The following OGDHL variants were observed in gnomAD, a reference collection of about 807,000 sequenced individuals.
OGDHL encodes oxoglutarate dehydrogenase L.
A neutral mutation model predicts 109.6 loss-of-function variants in OGDHL; 79 were observed. That is an observed-to-expected ratio of 0.72 (90% CI 0.60 to 0.87). OGDHL has a LOEUF of 0.87. OGDHL is among the 40% of genes least tolerant of loss of function. The pLI is 0.00. For synonymous variants in OGDHL, 528 were observed against 537.2 expected, an observed-to-expected ratio of 0.98 and a Z score of 0.24; for missense variants, 1,275 against 1,362.2, an observed-to-expected ratio of 0.94 and a Z score of 1.01.
intron 1 of OGDHL, among the ~76,000 whole-genome samples, chr10:49,760,497 C>G (rs980619676): frequency 1.3e-5 from 2 of 152,230 alleles, no homozygotes; most frequent in African/African-American, 4.8e-5. Flanking sequence ...CCTGAAGCAT[C>G]AGGGAGAATC....
intron 2 of OGDHL, among the ~76,000 whole-genome samples, chr10:49,757,690 T>C (rs1842998592): frequency 6.6e-6 from 1 of 152,214 alleles, no homozygotes; most frequent in Non-Finnish European, 1.5e-5. Flanking sequence ...ATAGTGAGGC[T>C]CTTCATGTAC....
chr10:49,743,773 A>T (rs1841970720), intron 14 of OGDHL: 1 of 491,346 alleles, frequency 2.0e-6, no homozygotes, highest in Non-Finnish European at 3.6e-6. Flanking sequence ...ACTGGTACCC[A>T]GCTGGGAGTG....
intron 13 of OGDHL, 62 bp downstream of exon 13, chr10:49,744,588 G>T: frequency 2.3e-6 from 3 of 1,319,990 alleles, no homozygotes; most frequent in African/African-American, 1.4e-5. Flanking sequence ...TTCCAGTCCT[G>T]ATCCCAGTGC....
intron 17 of OGDHL, 180 bp downstream of exon 17, chr10:49,739,481 G>T: frequency 1.5e-6 from 1 of 649,532 alleles, no homozygotes; most frequent in Non-Finnish European, 2.5e-6. Flanking sequence ...GCCAGGGGTA[G>T]CATCATCGTC....
rs867353136 is a variant in OGDHL, at chr10:49,740,738, G to C, written c.2112C>G (p.Asn704Lys). The change falls in exon 16 of 23, where the codon AAC (asparagine) becomes AAG (lysine). Residue 704 changes from asparagine (N) to lysine (K), a missense_variant. Coordinates refer to ENST00000374103, the MANE Select transcript of OGDHL (RefSeq NM_018245.3). ...WPDQAPYTVC[N>K]SSLSEYGVLG... Reference sequence around the variant, plus strand: ...GGACTCCGTACTCCGAGAGGGAGCTGTTGCACACGGTGTACGGGGCCTGGT... The same window carrying C: ...GGACTCCGTACTCCGAGAGGGAGCTCTTGCACACGGTGTACGGGGCCTGGT... 4 of 1,613,766 alleles carry C rather than the reference G, an allele frequency of 2.5e-6. No individual in the cohort carries two copies. The highest frequency in any genetic ancestry group is 3.4e-6 in the Non-Finnish European group (4 of 1,179,822).
chr10:49,736,400 C>T lies in OGDHL; in HGVS notation c.2711G>A (p.Ser904Asn). 1 of 1,614,208 alleles carries T rather than the reference C, an allele frequency of 6.2e-7. No homozygotes were observed. The highest frequency in any genetic ancestry group is 1.1e-5 in the South Asian group (1 of 91,090). ...VYYDLVKERS[S>N]QDLEEKVAIT... is the part of the protein sequence containing the mutation. The stretch of plus-strand genomic sequence containing the variant: ...GGCCACTTTCTCCTCCAGGTCCTGG[C>T]TGCTCCGCTCCTTCACCAGGTCATA... Residue 904 changes from serine to asparagine, a missense_variant, in exon 21 of 23, where the codon AGC (serine) becomes AAC (asparagine). Coordinates refer to ENST00000374103, the MANE Select transcript of OGDHL (RefSeq NM_018245.3).
chr10:49,742,413 T>C (rs146794025), intron 15 of OGDHL, among the ~76,000 whole-genome samples: 3 of 706 alleles, frequency 4.2e-3, no homozygotes, highest in African/African-American at 7.8e-3. Flanking sequence ...ACACACACCA[T>C]ACACACATAC....
At chr10:49,738,099 G>C in intron 18 of OGDHL, 27 bp from the exon 19 acceptor site, 4 of 1,614,050 alleles carry the variant, frequency 2.5e-6, no homozygotes, top group Non-Finnish European at 3.4e-6. Flanking sequence ...CATATGGCCA[G>C]GGTGGCTGTC....
intron 1 of OGDHL, among the ~76,000 whole-genome samples, chr10:49,761,339 C>A (rs900950975): frequency 1.3e-5 from 2 of 152,232 alleles, no homozygotes; most frequent in African/African-American, 2.4e-5. Context: ...GACTCCCACA[C>A]ACACAACCCT....
intron 1 of OGDHL, among the ~76,000 whole-genome samples, chr10:49,759,291 C>A (rs1172627581): frequency 6.6e-6 from 1 of 151,848 alleles, no homozygotes; most frequent in African/African-American, 2.4e-5. Context: ...GGGCTAAGGT[C>A]TGGAGGGGCA....
intron 3 of OGDHL, among the ~76,000 whole-genome samples, chr10:49,755,403 A>T (rs987799687): frequency 6.6e-6 from 1 of 152,222 alleles, no homozygotes; most frequent in Admixed American, 6.5e-5. Flanking sequence ...CAATGAATGA[A>T]ATGCTATATC....
At chr10:49,746,926 T>C in intron 9 of OGDHL, 48 bp from the exon 10 acceptor site, 1 of 1,612,970 alleles carries the variant, frequency 6.2e-7, no homozygotes, top group Non-Finnish European at 8.5e-7. Context: ...CCAGCCCATG[T>C]AGCCCAGCCG....
chr10:49,745,191 C>G (rs976334052), intron 12 of OGDHL, among the ~76,000 whole-genome samples, 153 bp downstream of exon 12: 11 of 152,246 alleles, frequency 7.2e-5, no homozygotes, highest in African/African-American at 2.4e-4. Context: ...TTCTTGGTCC[C>G]CTTTGGTAAC....
chr10:49,758,085 A>T (rs746954152), intron 2 of OGDHL, among the ~76,000 whole-genome samples: 8 of 152,214 alleles, frequency 5.3e-5, no homozygotes, highest in Non-Finnish European at 7.3e-5. Flanking sequence ...ATACACAAAC[A>T]CGTATGTCCC....
chr10:49,738,354 A>T (rs1841379161), intron 17 of OGDHL, 92 bp from the exon 18 acceptor site: 2 of 1,369,180 alleles, frequency 1.5e-6, no homozygotes, highest in East Asian at 4.7e-5. Context: ...GAAAGTCTGG[A>T]GGGCTTCTCA....
intron 4 of OGDHL, 40 bp downstream of exon 4, chr10:49,752,598 C>T: frequency 6.4e-7 from 1 of 1,558,146 alleles, no homozygotes; most frequent in Non-Finnish European, 8.9e-7. Context: ...CTGGGCCACC[C>T]ACACAGCACT....
chr10:49,740,774 A>G lies in OGDHL; in HGVS notation c.2076T>C (p.His692=). ...VDRRTCVPMN[H]LWPDQAPYTV... ...TGTACGGGGCCTGGTCAGGCCAGAG[A>G]TGATTCATAGGCACACACGTCCTGC... Residue 692 remains histidine, a synonymous_variant, in exon 16 of 23, where the codon CAT becomes CAC. Transcript: ENST00000374103. 6.2e-7 allele frequency: 1 copy of G among 1,613,910 alleles called. No homozygotes were observed.
intron 3 of OGDHL, 80 bp downstream of exon 3, chr10:49,756,696 T>G: frequency 2.3e-5 from 31 of 1,371,296 alleles, no homozygotes; most frequent in Non-Finnish European, 2.9e-5. Context: ...ATGTTGGAGC[T>G]GAGACCCCTT....
chr10:49,746,084 G>A (rs753450489), intron 10 of OGDHL, 107 bp from the exon 11 acceptor site: 134 of 1,275,266 alleles, frequency 1.1e-4, no homozygotes, highest in Non-Finnish European at 1.4e-4. Flanking sequence ...CCACTGAGGT[G>A]CCCAGGAGGA....
Sources: allele counts gnomAD v4.1 joint callset (sites outside exome capture counted in the v4.1 genomes callset), GRCh38; gene constraint gnomAD v4.1.1; transcripts MANE v1.5; gene names NCBI Gene and HGNC (gene_info 2026-07-23, HGNC 2026-07-21).